The following ATP10B variants were observed in gnomAD, a reference collection of about 807,000 sequenced individuals.
ATP10B encodes ATPase phospholipid transporting 10B (putative).
A neutral mutation model predicts 141.2 loss-of-function variants in ATP10B; 122 were observed. The ratio of observed to expected loss-of-function variants is 0.86; its 90% CI spans 0.75 to 1.00. The LOEUF (loss-of-function observed/expected upper bound fraction) is 1.00. ATP10B is among the 50% of genes least tolerant of loss of function. The pLI is 0.00. For missense variants in ATP10B, 1,876 were observed against 1,825.3 expected (o/e 1.03, Z -0.51); for synonymous variants, 685 against 692.0 (o/e 0.99, Z 0.16).
intron 1 of ATP10B, among the ~76,000 whole-genome samples, chr5:160,816,716 C>A (rs960129199): frequency 3.3e-5 from 5 of 152,176 alleles, no homozygotes; most frequent in Admixed American, 1.3e-4. Flanking sequence ...GAATTTTAGA[C>A]CAACATCCCT....
At chr5:160,764,468 A>G (rs940547727) in intron 2 of ATP10B, among the ~76,000 whole-genome samples, 6 of 152,320 alleles carry the variant, frequency 3.9e-5, no homozygotes, top group Admixed American at 6.5e-5. Context: ...AAATCACATG[A>G]TCATCTCAAT....
At chr5:160,879,662 T>C in the ATP10B span, among the ~76,000 whole-genome samples, 92,291 of 151,658 alleles carry the variant, frequency 0.61, 29,997 homozygotes, top group East Asian at 0.86. Flanking sequence ...CATAGTGAAA[T>C]CCTGTCTTTA....
At chr5:160,685,946 A>ACC in intron 6 of ATP10B, 133 bp downstream of exon 6, 1 of 777,558 alleles carries the variant, frequency 1.3e-6, no homozygotes, top group Non-Finnish European at 1.9e-6. Context: ...GGTCGAAATC[A>ACC]CCCCCCCTTG....
At chr5:160,873,800 C>A in the ATP10B span, among the ~76,000 whole-genome samples, 5 of 152,228 alleles carry the variant, frequency 3.3e-5, no homozygotes, top group African/African-American at 9.6e-5. Context: ...TTGGGTCACT[C>A]CCACCTGAAT....
At chr5:160,823,517 G>A (rs1054360487) in intron 1 of ATP10B, among the ~76,000 whole-genome samples, 8 of 152,128 alleles carry the variant, frequency 5.3e-5, no homozygotes, top group South Asian at 2.1e-4. Flanking sequence ...AAACTTGCAC[G>A]TGCTTAAATT....
Position 160,643,132 on chromosome 5 carries a change from C to T in ATP10B, c.868+1006G>A, listed in dbSNP as rs370329737. On this transcript the variant is annotated intron_variant, in intron 9 of 25. Transcript: ENST00000327245. ...CTGAACTGACAAATATAATCCCCCT[C>T]TCCCAAATTAGGGAAAGCTAGCTAA... Among the ~76,000 whole-genome samples the T allele has an allele frequency of 1.5e-4, 23 of 152,340 alleles. 1 individual carries two copies. The highest frequency in any genetic ancestry group is 1.2e-3 in the East Asian group (6 of 5,190).
At chr5:160,633,192 A>T (rs191262246) in intron 12 of ATP10B, 3 of 152,356 alleles carry the variant, frequency 2.0e-5, no homozygotes, top group Admixed American at 2.0e-4. Context: ...ATACCATTTG[A>T]CCAGCAATCC....
At chr5:160,707,763 A>C (rs1765103016) in intron 3 of ATP10B, among the ~76,000 whole-genome samples, 1 of 152,208 alleles carries the variant, frequency 6.6e-6, no homozygotes, top group South Asian at 2.1e-4. Flanking sequence ...AAACAGAAGA[A>C]AGAGAAGAGA....
chr5:160,909,283 CTGTG>C, the ATP10B span, among the ~76,000 whole-genome samples: 14 of 152,062 alleles, frequency 9.2e-5, no homozygotes, highest in East Asian at 1.2e-3. Context: ...ACAGCCAATG[CTGTG>C]TGTGTGTGTG....
intron 2 of ATP10B, among the ~76,000 whole-genome samples, chr5:160,784,925 CA>C (rs1771021448): frequency 6.6e-6 from 1 of 152,122 alleles, no homozygotes; most frequent in Non-Finnish European, 1.5e-5. Context: ...TTTCTCCACA[CA>C]ACCATGTAGT....
Position 160,671,969 on chromosome 5 carries a change from C to CTTTTTTTT in ATP10B, c.471-1310_471-1303dup, listed in dbSNP as rs70990741. On this transcript the variant is annotated intron_variant, in intron 6 of 25. Transcript: ENST00000327245. ...TCCCCACTTCTCAAGGCAATGCATC[C>CTTTTTTTT]TTTTTTTTTTTTTTTTTTTTTTTTT... Among the ~76,000 whole-genome samples the CTTTTTTTT allele has an allele frequency of 2.9e-4, 20 of 68,410 alleles. 1 individual carries two copies. The highest frequency in any genetic ancestry group is 6.1e-4 in the African/African-American group (9 of 14,808). The allele number at this position is 68,410 out of a possible 152,430, so 44.9% of individuals were successfully genotyped here.
intron 1 of ATP10B, among the ~76,000 whole-genome samples, chr5:160,790,844 G>A (rs937524651): frequency 6.6e-6 from 1 of 152,184 alleles, no homozygotes. Flanking sequence ...CGGAGATGAT[G>A]CTGGATCATC....
At chr5:160,770,884 G>A (rs763232474) in intron 2 of ATP10B, among the ~76,000 whole-genome samples, 3 of 152,150 alleles carry the variant, frequency 2.0e-5, no homozygotes, top group African/African-American at 4.8e-5. Context: ...CTTGAATGAT[G>A]GTGTAACAAT....
intron 1 of ATP10B, among the ~76,000 whole-genome samples, chr5:160,828,269 A>C (rs1285817436): frequency 6.6e-6 from 1 of 152,114 alleles, no homozygotes; most frequent in Non-Finnish European, 1.5e-5. Flanking sequence ...CAGAGTGAAC[A>C]GGCAACCTAC....
intron 2 of ATP10B, among the ~76,000 whole-genome samples, chr5:160,748,427 A>G (rs1417221708): frequency 6.6e-6 from 1 of 152,192 alleles, no homozygotes; most frequent in African/African-American, 2.4e-5. Context: ...AATTGATAGC[A>G]TTTCCCAATT....
At chr5:160,647,962 G>T (rs1050097120) in intron 8 of ATP10B, among the ~76,000 whole-genome samples, 1 of 152,160 alleles carries the variant, frequency 6.6e-6, no homozygotes. Context: ...GCATTTCAGG[G>T]AGCTGCAGGC....
intron 1 of ATP10B, among the ~76,000 whole-genome samples, chr5:160,799,375 C>G (rs754535331): frequency 2.0e-5 from 3 of 152,214 alleles, no homozygotes; most frequent in Non-Finnish European, 4.4e-5. Context: ...AAGCAGCAGT[C>G]TACTTCTGCA....
At chr5:160,851,249 T>A (rs958421269) in intron 1 of ATP10B, among the ~76,000 whole-genome samples, 8 of 152,184 alleles carry the variant, frequency 5.3e-5, no homozygotes, top group Non-Finnish European at 8.8e-5. Flanking sequence ...CAGCTCAGTA[T>A]AATTTTTATT....
At chr5:160,649,377 C>T (rs1436714315) in intron 7 of ATP10B, 121 bp from the exon 8 acceptor site, 1 of 702,610 alleles carries the variant, frequency 1.4e-6, no homozygotes, top group Non-Finnish European at 2.4e-6. Flanking sequence ...CTTTGTCACA[C>T]TTTGATAGTT....
Sources: allele counts gnomAD v4.1 joint callset (sites outside exome capture counted in the v4.1 genomes callset), GRCh38; gene constraint gnomAD v4.1.1; transcripts MANE v1.5; gene names NCBI Gene and HGNC (gene_info 2026-07-23, HGNC 2026-07-21).